Variants in ATP9B observed in about 807,000 individuals in gnomAD.
The protein encoded by ATP9B is probable phospholipid-transporting ATPase IIB.
ATP9B carries 110 observed loss-of-function variants against 146.1 expected under a neutral mutation model. That is an observed-to-expected ratio of 0.75 (90% confidence interval 0.65 to 0.88). The LOEUF (loss-of-function observed/expected upper bound fraction) is 0.88. Ranked by LOEUF, ATP9B falls within the 40% of genes least tolerant of loss-of-function variation. The pLI is 0.00. For missense variants in ATP9B, 1,499 were observed against 1,496.4 expected, an observed-to-expected ratio of 1.00 and a Z score of -0.03; for synonymous variants, 604 against 569.7, an observed-to-expected ratio of 1.06 and a Z score of -0.86.
intron 24 of ATP9B, 30 bp downstream of exon 24, chr18:79,347,955 GAGGGCAGGGTCCAGGA>G (rs754189344): frequency 6.3e-5 from 101 of 1,606,778 alleles, no homozygotes; most frequent in South Asian, 3.8e-4. Context: ...GGCACCCATG[GAGGGCAGGGTCCAGGA>G]AGGGCAGGGT....
chr18:79,313,937 C>T (rs767783486), intron 15 of ATP9B, among the ~76,000 whole-genome samples: 4 of 152,088 alleles, frequency 2.6e-5, no homozygotes, highest in Admixed American at 1.3e-4. Flanking sequence ...TTTGCAAGTC[C>T]CTAAAGCCTC....
intron 16 of ATP9B, among the ~76,000 whole-genome samples, 154 bp downstream of exon 16, chr18:79,329,456 C>T (rs2096778708): frequency 6.6e-6 from 1 of 151,156 alleles, no homozygotes; most frequent in Non-Finnish European, 1.5e-5. Context: ...GAAATCTAAG[C>T]TAATAATCTA....
intron 7 of ATP9B, among the ~76,000 whole-genome samples, chr18:79,174,527 C>T (rs113180995): frequency 4.6e-5 from 7 of 152,194 alleles, no homozygotes; most frequent in South Asian, 4.1e-4. Context: ...CCTTCTCTTG[C>T]GCTTGGTACA....
rs115617809 is a variant in ATP9B, at chr18:79,292,745, G to A, written c.1412-10859G>A. 6.5e-3 allele frequency among the ~76,000 whole-genome samples: 995 copies of A among 151,998 alleles called. 6 individuals carry two copies. The highest frequency in any genetic ancestry group is 0.022 in the African/African-American group (928 of 41,434). Reference sequence around the variant, plus strand: ...GGTGGGTGAAAGATGTGAGGTTAGGGGTTTGTTTTGTTTTGTTTTGTTTTG... The same window carrying A: ...GGTGGGTGAAAGATGTGAGGTTAGGAGTTTGTTTTGTTTTGTTTTGTTTTG... On this transcript the variant is annotated intron_variant, in intron 13 of 29. Transcript: ENST00000426216.
At chr18:79,208,830 C>T (rs1488758974) in intron 10 of ATP9B, among the ~76,000 whole-genome samples, 1 of 152,068 alleles carries the variant, frequency 6.6e-6, no homozygotes, top group Non-Finnish European at 1.5e-5. Context: ...CATGAAGAGA[C>T]TTCAGAGGTG....
chr18:79,373,995 G>T lies in ATP9B; in HGVS notation c.3168G>T (p.Leu1056=). 6.2e-7 allele frequency: 1 copy of T among 1,614,190 alleles called. No homozygotes were observed. The change falls in exon 28 of 30, where the codon CTG becomes CTT. Residue 1056 remains leucine, a synonymous_variant. Transcript: ENST00000426216. ...SFTALILTEL[L]MVALTVRTWH... ...CCGCACTGATCCTGACCGAGCTGCT[G>T]ATGGTGGCGCTGACCGTCCGCACGT...
At chr18:79,233,161 G>A (rs1198092871) in intron 11 of ATP9B, among the ~76,000 whole-genome samples, 1 of 151,800 alleles carries the variant, frequency 6.6e-6, no homozygotes, top group African/African-American at 2.4e-5. Context: ...GTGAAGTGGC[G>A]CACACCTGTA....
At chr18:79,186,276 C>A (rs1199889732) in intron 8 of ATP9B, among the ~76,000 whole-genome samples, 1 of 152,122 alleles carries the variant, frequency 6.6e-6, no homozygotes, top group Non-Finnish European at 1.5e-5. Context: ...ATTTTAATGA[C>A]CTTTAAGTAA....
intron 15 of ATP9B, among the ~76,000 whole-genome samples, chr18:79,309,698 AG>A (rs1379316320): frequency 9.2e-5 from 14 of 152,232 alleles, no homozygotes; most frequent in Non-Finnish European, 1.5e-4. Context: ...AGTGATCCCC[AG>A]CAGGTAGAAG....
At chr18:79,143,551 G>C (rs1289593605) in intron 5 of ATP9B, among the ~76,000 whole-genome samples, 1 of 152,210 alleles carries the variant, frequency 6.6e-6, no homozygotes, top group Non-Finnish European at 1.5e-5. Context: ...AATCTTCTGA[G>C]TGTAGTCCCC....
At chr18:79,323,789 T>C (rs2146949304) in intron 15 of ATP9B, among the ~76,000 whole-genome samples, 1 of 152,248 alleles carries the variant, frequency 6.6e-6, no homozygotes, top group Non-Finnish European at 1.5e-5. Flanking sequence ...ATCTCTTCAG[T>C]GTACTGATTT....
At chr18:79,277,537 A>G (rs907764556) in intron 13 of ATP9B, among the ~76,000 whole-genome samples, 1 of 152,080 alleles carries the variant, frequency 6.6e-6, no homozygotes, top group African/African-American at 2.4e-5. Flanking sequence ...CAAGAATTCC[A>G]TGTTTGTTTA....
intron 12 of ATP9B, among the ~76,000 whole-genome samples, chr18:79,273,474 A>T (rs1374644478): frequency 6.6e-6 from 1 of 152,204 alleles, no homozygotes; most frequent in Non-Finnish European, 1.5e-5. Context: ...AAAGATGTTA[A>T]TTTCTTCGGT....
At chr18:79,330,825 G>A (rs7241425) in intron 17 of ATP9B, among the ~76,000 whole-genome samples, 58,543 of 151,986 alleles carry the variant, frequency 0.39, 11,448 homozygotes, top group Middle Eastern at 0.54. Context: ...AGAAATAGAA[G>A]GCATTATCAA....
chr18:79,327,565 C>CGTGTTTAGCGTGCTCTCT (rs2096758612), intron 15 of ATP9B, among the ~76,000 whole-genome samples: 1 of 119,380 alleles, frequency 8.4e-6, no homozygotes, highest in African/African-American at 3.3e-5. Flanking sequence ...GCGTGCTCTC[C>CGTGTTTAGCGTGCTCTCT]GTGGTTAGCG....
chr18:79,110,677 A>G (rs564494294), intron 3 of ATP9B, among the ~76,000 whole-genome samples, 172 bp downstream of exon 3: 16 of 152,308 alleles, frequency 1.1e-4, no homozygotes, highest in Non-Finnish European at 2.2e-4. Flanking sequence ...TAAATAATTC[A>G]TATGTATTTT....
chr18:79,296,196 G>A (rs1402679982), intron 13 of ATP9B, among the ~76,000 whole-genome samples: 2 of 152,062 alleles, frequency 1.3e-5, no homozygotes, highest in Non-Finnish European at 2.9e-5. Context: ...TTGTATTTGT[G>A]ATAGAGATCG....
intron 11 of ATP9B, among the ~76,000 whole-genome samples, chr18:79,222,895 C>T (rs1191652428): frequency 6.6e-6 from 1 of 152,154 alleles, no homozygotes; most frequent in Non-Finnish European, 1.5e-5. Flanking sequence ...GACTTGATTA[C>T]ATTTAAGGGA....
Position 79,361,869 on chromosome 18 carries a change from G to A in ATP9B, c.3012+2407G>A, listed in dbSNP as rs549668114. ...GTGGACACCAAGTCCCCAGTCCGTCGGCTCAAGCTCCTGCGATGTAGGACA... is the reference window on the plus strand; with the variant it reads ...GTGGACACCAAGTCCCCAGTCCGTCAGCTCAAGCTCCTGCGATGTAGGACA... On this transcript the variant is annotated intron_variant, in intron 26 of 29. Transcript: ENST00000426216. 9.2e-5 allele frequency: 84 copies of A among 908,830 alleles called. No individual in the cohort carries two copies. The Admixed American group carries it at 1.6e-3, about 17-fold the overall frequency. 56.3% of individuals were successfully genotyped at this position (908,830 alleles called of 1,614,324 possible).
Sources: allele counts gnomAD v4.1 joint callset (sites outside exome capture counted in the v4.1 genomes callset), GRCh38; gene constraint gnomAD v4.1.1; transcripts MANE v1.5; gene names NCBI Gene and HGNC (gene_info 2026-07-23, HGNC 2026-07-21).